Variants in LOXHD1 observed in about 807,000 individuals in gnomAD.
LOXHD1 encodes the protein lipoxygenase homology PLAT domains 1, also known as lipoxygenase homology domain-containing protein 1.
Under a neutral mutation model 248.2 loss-of-function variants are expected in LOXHD1, and 205 were observed. The ratio of observed to expected loss-of-function variants is 0.83; its 90% CI spans 0.74 to 0.93. The LOEUF (loss-of-function observed/expected upper bound fraction) is 0.93, where lower values mean the gene tolerates loss of function less well. Among genes scored for constraint, LOXHD1 ranks in the 40% least tolerant of loss-of-function variants. The pLI is 0.00. For missense variants in LOXHD1, 2,930 were observed against 2,971.6 expected (o/e 0.99, Z 0.33); for synonymous variants, 1,113 against 1,162.8 (o/e 0.96, Z 0.87).
intron 12 of LOXHD1, among the ~76,000 whole-genome samples, chr18:46,580,429 G>A (rs1249277105): frequency 6.6e-6 from 1 of 152,228 alleles, no homozygotes; most frequent in Admixed American, 6.5e-5. Flanking sequence ...CTGTGGGAAG[G>A]GCAGCAACTT....
chr18:46,570,474 C>T lies in LOXHD1; in HGVS notation c.2048-836G>A, dbSNP rs182809994. 1.8e-3 allele frequency among the ~76,000 whole-genome samples: 275 copies of T among 152,314 alleles called. 2 individuals carry two copies. The highest frequency in any genetic ancestry group is 6.2e-3 in the African/African-American group (259 of 41,582). On this transcript the variant is annotated intron_variant, in intron 15 of 40. Coordinates refer to ENST00000642948, the MANE Select transcript of LOXHD1 (RefSeq NM_001384474.1). ...GGATTTGGAGAAAGTCAGCTGAGCA[C>T]ACCTTGCCTAGGGACCAGCCCTGGA...
At chr18:46,568,112 C>G (rs1186001329) in intron 16 of LOXHD1, among the ~76,000 whole-genome samples, 1 of 152,078 alleles carries the variant, frequency 6.6e-6, no homozygotes, top group Non-Finnish European at 1.5e-5. Flanking sequence ...GAGATCTTTC[C>G]CTGGAGTGAG....
intron 26 of LOXHD1, among the ~76,000 whole-genome samples, chr18:46,536,481 C>G (rs1166414910): frequency 2.0e-5 from 3 of 152,078 alleles, no homozygotes; most frequent in African/African-American, 4.8e-5. Flanking sequence ...CTCTCACACT[C>G]CCCCCAAATC....
Position 46,518,121 on chromosome 18 carries a change from C to T in LOXHD1, c.5399+8G>A, listed in dbSNP as rs2144083633. On this transcript the variant is annotated splice_region_variant and intron_variant, in intron 34 of 40. Transcript: ENST00000642948. ...GAGGGGTGAGGGGCAGGGGCCGCCT[C>T]CAGGTACCTGGCTTTCTTTTTGTCC... 4 of 1,551,430 alleles carry T rather than the reference C, an allele frequency of 2.6e-6. No homozygotes were observed. The South Asian group carries it at 4.8e-5, about 18-fold the overall frequency.
At chr18:46,513,814 C>T (rs1194979788) in intron 34 of LOXHD1, among the ~76,000 whole-genome samples, 1 of 152,170 alleles carries the variant, frequency 6.6e-6, no homozygotes, top group Non-Finnish European at 1.5e-5. Flanking sequence ...CTAATATAGC[C>T]CCAAGTGATG....
chr18:46,512,179 A>G (rs1168017303), intron 34 of LOXHD1, among the ~76,000 whole-genome samples: 1 of 152,140 alleles, frequency 6.6e-6, no homozygotes, highest in Non-Finnish European at 1.5e-5. Flanking sequence ...ACAGATATGC[A>G]CTTCCCCAAT....
chr18:46,612,791 A>G (rs996787941), intron 5 of LOXHD1, among the ~76,000 whole-genome samples: 5 of 152,072 alleles, frequency 3.3e-5, no homozygotes, highest in African/African-American at 1.2e-4. Flanking sequence ...TGAGTGGTAA[A>G]AGGCAGGAAT....
intron 26 of LOXHD1, 85 bp from the exon 27 acceptor site, chr18:46,534,536 TC>T: frequency 1.0e-6 from 1 of 1,004,824 alleles, no homozygotes; most frequent in Non-Finnish European, 1.5e-6. Flanking sequence ...CCCCAGGGCA[TC>T]CACCCTGAGT....
chr18:46,541,653 A>G (rs2036563431), intron 25 of LOXHD1, 123 bp downstream of exon 25: 2 of 1,131,886 alleles, frequency 1.8e-6, no homozygotes, highest in East Asian at 5.2e-5. Context: ...CAGGGATGAA[A>G]GACCAAAATC....
rs9952811 is a variant in LOXHD1 at position 46,563,340 on chromosome 18, T to C, written c.2438-115A>G. On this transcript the variant is annotated intron_variant, in intron 17 of 40. Transcript: ENST00000642948. ...CCAGGTGCCTGGCGCTTTACAGTCA[T>C]TCACTTATCTAATCCTCTCCTCAAC... 1.6e-3 allele frequency: 1,647 copies of C among 1,030,584 alleles called. 11 individuals carry two copies. In the Middle Eastern group the frequency reaches 0.02, roughly 12 times the overall value. The allele number at this position is 1,030,584 out of a possible 1,614,324, so 63.8% of individuals were successfully genotyped here. A position where few individuals can be genotyped will look rare whatever the true frequency, so the allele number is the denominator to read the frequency against.
intron 29 of LOXHD1, among the ~76,000 whole-genome samples, chr18:46,526,353 T>C (rs2035828981): frequency 6.6e-6 from 1 of 152,160 alleles, no homozygotes; most frequent in African/African-American, 2.4e-5. Context: ...CCTCCAGCTA[T>C]GTTTGAATAC....
At chr18:46,529,626 G>A (rs1225754529) in intron 28 of LOXHD1, among the ~76,000 whole-genome samples, 1 of 152,206 alleles carries the variant, frequency 6.6e-6, no homozygotes, top group Non-Finnish European at 1.5e-5. Flanking sequence ...GCTGCCTGCA[G>A]TGTACATGGG....
At position 46,560,509 on chromosome 18, in the gene LOXHD1, G is replaced by A. The variant is rs752969675; in HGVS notation, c.2635C>T (p.Arg879Trp). ...AADVGEVYKLRLGHTGEGFGP... is the reference protein window; with the variant it reads ...AADVGEVYKLWLGHTGEGFGP... ...AAGCCCTCGCCCGTGTGCCCGAGCC[G>A]GAGCTTATAGACCTCGCCCACGTCG... Residue 879 changes from arginine (R) to tryptophan (W), a missense_variant, in exon 19 of 41, where the codon CGG becomes TGG. Physicochemically the swap from Arg to Trp is moderately radical, Grantham distance 101. Transcript: ENST00000642948. The A allele has an allele frequency of 1.2e-5, 19 of 1,536,816 alleles. No individual in the cohort carries two copies. Among genetic ancestry groups the A allele is most frequent in the Middle Eastern group, 1.7e-4 (1 of 5,874 alleles).
intron 17 of LOXHD1, among the ~76,000 whole-genome samples, chr18:46,565,197 G>A (rs138357429): frequency 6.6e-6 from 1 of 151,758 alleles, no homozygotes; most frequent in African/African-American, 2.4e-5. Flanking sequence ...CCGGGAGGAG[G>A]TTGCAGTGAG....
chr18:46,625,905 T>C (rs1334445352), intron 4 of LOXHD1, among the ~76,000 whole-genome samples: 1 of 152,102 alleles, frequency 6.6e-6, no homozygotes, highest in Non-Finnish European at 1.5e-5. Flanking sequence ...CTCCATTACT[T>C]CCCTTTCCAA....
rs745381643 is a variant in LOXHD1 at position 46,522,213 on chromosome 18, C to T, written c.4973G>A (p.Arg1658His). 71 of 1,551,702 alleles carry T rather than the reference C, an allele frequency of 4.6e-5. No homozygotes were observed. Among genetic ancestry groups the T allele is most frequent in the Non-Finnish European group, 5.8e-5 (67 of 1,147,040 alleles). The change falls in exon 32 of 41, where the codon CGT becomes CAT. Residue 1658 changes from arginine (R) to histidine (H), a missense_variant. Transcript: ENST00000642948. ...FIFLIGEDDE[R>H]SKRIWLDYPR... The stretch of plus-strand genomic sequence containing the variant: ...GTAGTCCAACCAGATGCGCTTACTA[C>T]GTTCATCATCCTCCCCGATGAGAAA...
rs2037706868 is a variant in LOXHD1 at position 46,569,381 on chromosome 18, T to C, written c.2244+61A>G. ...GTGGACATATGTGTGTGTGGACACG[T>C]GTGAATGTGTGTTCGGAAATGGGTG... On this transcript the variant is annotated intron_variant, in intron 16 of 40. Transcript: ENST00000642948. The C allele has an allele frequency of 5.8e-6, 8 of 1,378,316 alleles. No individual in the cohort carries two copies. The Admixed American group carries it at 1.4e-4, about 24-fold the overall frequency. 85.4% of individuals were successfully genotyped at this position (1,378,316 alleles called of 1,614,324 possible).
intron 15 of LOXHD1, among the ~76,000 whole-genome samples, chr18:46,571,870 T>C (rs2037758044): frequency 6.6e-6 from 1 of 152,236 alleles, no homozygotes; most frequent in Admixed American, 6.5e-5. Flanking sequence ...TTGACCCATA[T>C]GCATTCAGGG....
chr18:46,580,306 G>A (rs1318427105), intron 12 of LOXHD1, among the ~76,000 whole-genome samples: 1 of 152,186 alleles, frequency 6.6e-6, no homozygotes, highest in Non-Finnish European at 1.5e-5. Flanking sequence ...CAACTTCTAT[G>A]TGTTCTCAAG....
Sources: allele counts gnomAD v4.1 joint callset (sites outside exome capture counted in the v4.1 genomes callset), GRCh38; gene constraint gnomAD v4.1.1; transcripts MANE v1.5; gene names NCBI Gene and HGNC (gene_info 2026-07-23, HGNC 2026-07-21).